The following DPH7 variants were observed in gnomAD, a reference collection of about 807,000 sequenced individuals.
DPH7 encodes the protein diphthine methyltransferase.
Under a neutral mutation model 41.7 loss-of-function variants are expected in DPH7, and 44 were observed. The observed-to-expected ratio is 1.05, with a 90% confidence interval of 0.83 to 1.36. The LOEUF is 1.36. DPH7 is among the 40% of genes most tolerant of loss of function. The pLI, the probability that DPH7 is intolerant of heterozygous loss-of-function variation, is 0.00. For missense variants in DPH7, 629 were observed against 577.5 expected (o/e 1.09, Z -0.91); for synonymous variants, 275 against 238.0 (o/e 1.16, Z -1.43).
At chr9:137,577,392 T>C in intron 2 of DPH7, 78 bp downstream of exon 2, 1 of 1,410,198 alleles carries the variant, frequency 7.1e-7, no homozygotes, top group Admixed American at 1.9e-5. Flanking sequence ...CCTGTCTTGT[T>C]GAAGGCATCA....
intron 5 of DPH7, among the ~76,000 whole-genome samples, chr9:137,571,216 C>G (rs976040020): frequency 6.6e-6 from 1 of 151,918 alleles, no homozygotes; most frequent in Non-Finnish European, 1.5e-5. Flanking sequence ...GAGACAGAGC[C>G]TTGCTCTCTC....
chr9:137,572,010 T>C (rs985946059), intron 5 of DPH7, among the ~76,000 whole-genome samples: 2 of 152,052 alleles, frequency 1.3e-5, no homozygotes, highest in African/African-American at 2.4e-5. Flanking sequence ...CCTCAAGAAA[T>C]GAGATCTTTA....
rs867281995 is a variant in DPH7, at chr9:137,558,988, G to A, written c.950-3340C>T. On this transcript the variant is annotated intron_variant, in intron 8 of 8. Coordinates refer to ENST00000277540, the MANE Select transcript of DPH7 (RefSeq NM_138778.5). ...TCTTTAATACCACTAAATTGTGGGCGGCAAGCCACCCAGGCACCGAGGCAA... is the reference window on the plus strand; with the variant it reads ...TCTTTAATACCACTAAATTGTGGGCAGCAAGCCACCCAGGCACCGAGGCAA... 3.9e-5 allele frequency among the ~76,000 whole-genome samples: 6 copies of A among 152,262 alleles called. No homozygotes were observed. In the South Asian group the frequency reaches 6.2e-4, roughly 16 times the overall value.
At chr9:137,577,646 G>A (rs201499734) in intron 1 of DPH7, 43 bp from the exon 2 acceptor site, 109 of 1,600,434 alleles carry the variant, frequency 6.8e-5, no homozygotes, top group East Asian at 9.0e-5. Context: ...CCCAAGACAC[G>A]AAGGAACCCA....
Position 137,556,947 on chromosome 9 carries a change from C to A in DPH7, c.950-1299G>T. On this transcript the variant is annotated intron_variant, in intron 8 of 8. Coordinates refer to ENST00000277540, the MANE Select transcript of DPH7 (RefSeq NM_138778.5). This position sits in a 1 kb window ranked among gnomAD's most constrained non-coding sequence, Gnocchi z 5.2. ...GAGGCCCTTTCTGATTAGCCACAGG[C>A]CAACGTTTCCTCCCTCTTTTTATTT... The A allele has an allele frequency of 2.2e-6, 1 of 455,098 alleles. No individual in the cohort carries two copies. Among genetic ancestry groups the A allele is most frequent in the Admixed American group, 2.4e-5 (1 of 42,164 alleles). The allele number at this position is 455,098 out of a possible 1,614,324, so 28.2% of individuals were successfully genotyped here.
chr9:137,575,901 G>A (rs1436802696), intron 3 of DPH7, 179 bp downstream of exon 3: 2 of 1,410,092 alleles, frequency 1.4e-6, no homozygotes, highest in Non-Finnish European at 1.9e-6. Flanking sequence ...TCCTCTTGGA[G>A]TTGGATGTAG....
rs557915176 is a variant in DPH7 at position 137,561,542 on chromosome 9, C to CAA, written c.949+2890_949+2891dup. On this transcript the variant is annotated intron_variant, in intron 8 of 8. Coordinates refer to ENST00000277540, the MANE Select transcript of DPH7 (RefSeq NM_138778.5). ...TGGGTGACAGAGCGAGACTCCATCT[C>CAA]AAAAAAAAAAAAAAAAAAAAGCATG... is the stretch of plus-strand genomic sequence containing the variant. 6.8e-3 allele frequency among the ~76,000 whole-genome samples: 356 copies of CAA among 52,154 alleles called. 41 individuals carry two copies. Among genetic ancestry groups the CAA allele is most frequent in the African/African-American group, 0.024 (310 of 13,186 alleles). 34.2% of individuals were successfully genotyped at this position (52,154 alleles called of 152,430 possible). A position where few individuals can be genotyped will look rare whatever the true frequency, so the allele number is the denominator to read the frequency against.
intron 8 of DPH7, among the ~76,000 whole-genome samples, chr9:137,559,878 C>T (rs1293951622): frequency 2.0e-5 from 3 of 152,176 alleles, no homozygotes; most frequent in Non-Finnish European, 2.9e-5. Flanking sequence ...AGTGGTCCCC[C>T]GGGCCCAGCT....
chr9:137,576,638 C>A (rs1199479360), intron 2 of DPH7, among the ~76,000 whole-genome samples: 1 of 152,114 alleles, frequency 6.6e-6, no homozygotes, highest in Non-Finnish European at 1.5e-5. Context: ...CGCCTGTAAT[C>A]CCAGCACGTT....
intron 8 of DPH7, among the ~76,000 whole-genome samples, chr9:137,558,817 C>T (rs927165913): frequency 3.3e-5 from 5 of 152,148 alleles, no homozygotes; most frequent in African/African-American, 1.2e-4. Flanking sequence ...TCACTGCAAC[C>T]TCCGCCTCCC....
At chr9:137,565,063 G>C (rs1420738180) in intron 6 of DPH7, 22 bp downstream of exon 6, 5 of 1,613,926 alleles carry the variant, frequency 3.1e-6, no homozygotes, top group Admixed American at 1.7e-5. Context: ...TGGGCACCGA[G>C]TGCTGGCCCT....
chr9:137,576,468 T>G (rs1841405356), intron 2 of DPH7: 1 of 333,044 alleles, frequency 3.0e-6, no homozygotes, highest in African/African-American at 2.1e-5. Flanking sequence ...CCGGGCATGG[T>G]GGCTCACACT....
intron 8 of DPH7, among the ~76,000 whole-genome samples, chr9:137,563,611 AAAC>A (rs1839014922): frequency 7.2e-5 from 11 of 151,908 alleles, no homozygotes; most frequent in Admixed American, 2.6e-4. Context: ...TGCAGAGAAG[AAAC>A]TGGCCTTGGG....
chr9:137,563,409 G>C (rs1444224312), intron 8 of DPH7, among the ~76,000 whole-genome samples: 1 of 151,422 alleles, frequency 6.6e-6, no homozygotes, highest in Non-Finnish European at 1.5e-5. Context: ...GTGGGTGCCT[G>C]TAATCCCAGC....
At position 137,554,898 on chromosome 9, in the gene DPH7, C is replaced by A; in HGVS notation, c.*341G>T. 4.4e-6 allele frequency: 1 copy of A among 227,768 alleles called. No homozygotes were observed. Among genetic ancestry groups the A allele is most frequent in the Non-Finnish European group, 8.5e-6 (1 of 118,196 alleles). The allele number at this position is 227,768 out of a possible 1,614,324, so 14.1% of individuals were successfully genotyped here. A position where few individuals can be genotyped will look rare whatever the true frequency, so the allele number is the denominator to read the frequency against. On this transcript the variant is annotated 3_prime_UTR_variant, in exon 9 of 9. Coordinates refer to ENST00000277540, the MANE Select transcript of DPH7 (RefSeq NM_138778.5). ...ATGTTCATTTTAAACATGTTATAAA[C>A]TCGTGTTTTTCAAAAAACTTCATTT...
In DPH7 at chr9:137,576,382, C is replaced by A. The variant is rs374562652; in HGVS notation, c.288-215G>T. ...CATGTTACTGCAGGCAAGTGTGACA[C>A]AACAGGAAGTGGTTGTATATCTAAA... is the stretch of plus-strand genomic sequence containing the variant. On this transcript the variant is annotated intron_variant, in intron 2 of 8. Transcript: ENST00000277540. The A allele has an allele frequency of 4.5e-5, 25 of 550,176 alleles. No individual in the cohort carries two copies. The Admixed American group carries it at 4.8e-4, about 11-fold the overall frequency. The allele number at this position is 550,176 out of a possible 1,614,324, so 34.1% of individuals were successfully genotyped here. A position where few individuals can be genotyped will look rare whatever the true frequency, so the allele number is the denominator to read the frequency against.
At chr9:137,557,393 C>T (rs1052724201) in intron 8 of DPH7, among the ~76,000 whole-genome samples, 1 of 152,104 alleles carries the variant, frequency 6.6e-6, no homozygotes, top group African/African-American at 2.4e-5. Context: ...GTAGTACCAG[C>T]TACTCGGGAG....
rs767595611 is a variant in DPH7, at chr9:137,577,556, G to C, written c.201C>G (p.Phe67Leu). ...AGTTGTTGTCATTGAAACTGTACAG[G>C]AAGAGACGGCCTAAACGGACCTGAG... ...KEPQVRLGRL[F>L]LYSFNDNNSI... is the part of the protein sequence containing the mutation. The change falls in exon 2 of 9, where the codon TTC becomes TTG. Residue 67 changes from phenylalanine to leucine, a missense_variant. Phe to Leu is a conservative substitution (Grantham distance 22). Coordinates refer to ENST00000277540, the MANE Select transcript of DPH7 (RefSeq NM_138778.5). The C allele has an allele frequency of 6.2e-7, 1 of 1,614,048 alleles. No homozygotes were observed. Among genetic ancestry groups the C allele is most frequent in the South Asian group, 1.1e-5 (1 of 91,082 alleles).
chr9:137,575,917 A>C, intron 3 of DPH7, 163 bp downstream of exon 3: 1 of 1,435,110 alleles, frequency 7.0e-7, no homozygotes, highest in South Asian at 1.5e-5. Context: ...TGTAGAACGC[A>C]ATACAACTTA....
Sources: allele counts gnomAD v4.1 joint callset (sites outside exome capture counted in the v4.1 genomes callset), GRCh38; gene constraint gnomAD v4.1.1; non-coding constraint Gnocchi (gnomAD v3.1); transcripts MANE v1.5; gene names NCBI Gene and HGNC (gene_info 2026-07-23, HGNC 2026-07-21).